Variants in TRIM15 observed in about 807,000 individuals in gnomAD.
TRIM15 encodes E3 ubiquitin-protein ligase TRIM15.
In TRIM15, 35 loss-of-function variants were observed where a neutral mutation model predicts 35.8. The ratio of observed to expected loss-of-function variants is 0.98; its 90% CI spans 0.75 to 1.30. TRIM15 has a LOEUF of 1.30. TRIM15 is among the 50% of genes most tolerant of loss of function. The probability of loss-of-function intolerance (pLI) is 0.00; values close to 1 mark genes in which losing one functional copy is unlikely to be tolerated. For missense variants in TRIM15, 590 were observed against 593.5 expected (o/e 0.99, Z 0.06); for synonymous variants, 252 against 249.8 (o/e 1.01, Z -0.08).
chr6:30,169,340 C>A, intron 4 of TRIM15, 77 bp downstream of exon 4: 1 of 1,562,868 alleles, frequency 6.4e-7, no homozygotes, highest in Non-Finnish European at 8.8e-7. Context: ...GCACTTACTG[C>A]CACCCACTTT....
intron 4 of TRIM15, chr6:30,169,526 T>A (rs1773865302): frequency 1.4e-6 from 1 of 693,678 alleles, no homozygotes; most frequent in Non-Finnish European, 2.6e-6. Context: ...TGTTTTTAGG[T>A]TGATCCAGGA....
rs1180231958 is a variant in TRIM15, at chr6:30,171,006, C to G, written c.878C>G (p.Ser293Ter). The change falls in exon 6 of 7, where the codon TCA becomes TGA. Residue 293 changes from serine (S) to a stop codon, truncating the protein, a stop_gained and splice_region_variant. Coordinates refer to ENST00000376694, the MANE Select transcript of TRIM15 (RefSeq NM_033229.3). LOFTEE classifies it low-confidence loss of function (END_TRUNC). ...TTGGCGCATCATCTGGAAATAGATT[C>G]AGGTAAACAGCTTGGGATTTGGGGA... ...ENLAHHLEID[S>*]GVITLDPQTA... 6.2e-7 allele frequency: 1 copy of G among 1,611,448 alleles called. No homozygotes were observed. The highest frequency in any genetic ancestry group is 8.5e-7 in the Non-Finnish European group (1 of 1,179,318).
chr6:30,169,258 G>C lies in TRIM15; in HGVS notation c.726G>C (p.Gln242His). 1 of 1,613,162 alleles carries C rather than the reference G, an allele frequency of 6.2e-7. No homozygotes were observed. Among genetic ancestry groups the C allele is most frequent in the Non-Finnish European group, 8.5e-7 (1 of 1,180,032 alleles). ...TTTTGCAGGATGTCAGAGTCAACCA[G>C]AGCAGGTAGGGCCCACTCCCCGGTC... ...SELLQDVRVN[Q>H]SRCEMKTFVS... The change falls in exon 4 of 7, where the codon CAG becomes CAC. Residue 242 changes from glutamine to histidine, a missense_variant. Coordinates refer to ENST00000376694, the MANE Select transcript of TRIM15 (RefSeq NM_033229.3).
In TRIM15 at chr6:30,169,244, G is replaced by C. The variant is rs754802046; in HGVS notation, c.712G>C (p.Val238Leu). 1 of 1,613,086 alleles carries C rather than the reference G, an allele frequency of 6.2e-7. No individual in the cohort carries two copies. The highest frequency in any genetic ancestry group is 1.3e-5 in the African/African-American group (1 of 74,926). ...TGTTCTTGTCTTTCTTTTGCAGGAT[G>C]TCAGAGTCAACCAGAGCAGGTAGGG... Reference protein sequence around the residue: ...QQPASELLQDVRVNQSRCEMK... With the variant: ...QQPASELLQDLRVNQSRCEMK... The change falls in exon 4 of 7, where the codon GTC (valine) becomes CTC (leucine). Residue 238 changes from valine (V) to leucine (L), a missense_variant. Transcript: ENST00000376694.
chr6:30,168,853 A>T (rs970907176), intron 3 of TRIM15, among the ~76,000 whole-genome samples: 3 of 152,224 alleles, frequency 2.0e-5, no homozygotes, highest in Admixed American at 6.5e-5. Flanking sequence ...TCCATAAAAA[A>T]TGCTTGGCAT....
intron 1 of TRIM15, 24 bp downstream of exon 1, chr6:30,164,089 G>C (rs1372023411): frequency 1.3e-6 from 2 of 1,593,864 alleles, no homozygotes; most frequent in Non-Finnish European, 1.7e-6. Context: ...CTTTACCTAG[G>C]GCCTGTTTGG....
Position 30,168,593 on chromosome 6 carries a change from C to T in TRIM15, c.708+63C>T, listed in dbSNP as rs1275269911. 4 of 1,464,066 alleles carry T rather than the reference C, an allele frequency of 2.7e-6. No individual in the cohort carries two copies. In the Admixed American group the frequency reaches 5.9e-5, roughly 22 times the overall value. The allele number at this position is 1,464,066 out of a possible 1,614,324, so 90.7% of individuals were successfully genotyped here. On this transcript the variant is annotated intron_variant, in intron 3 of 6. Transcript: ENST00000376694. ...GACTCCACGGGGAAGGGGGTGGGCACCATGCTTTGGGCTGGAGAGAGGCAG... is the reference window on the plus strand; with the variant it reads ...GACTCCACGGGGAAGGGGGTGGGCATCATGCTTTGGGCTGGAGAGAGGCAG...
Position 30,172,031 on chromosome 6 carries a change from C to A in TRIM15, c.1080C>A (p.Gly360=). 6.4e-7 allele frequency: 1 copy of A among 1,571,700 alleles called. No homozygotes were observed. Among genetic ancestry groups the A allele is most frequent in the Admixed American group, 1.8e-5 (1 of 54,162 alleles). The change falls in exon 7 of 7, where the codon GGC becomes GGA. Residue 360 remains glycine, a synonymous_variant. Transcript: ENST00000376694. ...AGGTTGACCTGCAGCTGGGCGACGG[C>A]GGCGGCTGCACGGTGGGGGTGGCCG... ...RWQVDLQLGD[G]GGCTVGVAGE...
At chr6:30,169,742 A>C (rs932519917) in intron 4 of TRIM15, 18 of 357,222 alleles carry the variant, frequency 5.0e-5, no homozygotes, top group African/African-American at 3.6e-4. Flanking sequence ...GACAGCCACC[A>C]GGAGCCAGTG....
In TRIM15 at chr6:30,171,843, C is replaced by T. The variant is rs531919285; in HGVS notation, c.892C>T (p.Leu298=). ...GCTCCTCCCTCTAGGGGTCATCACT[C>T]TGGACCCTCAGACCGCCAGCCGGAG... The part of the protein sequence containing the change: ...HLEIDSGVIT[L]DPQTASRSLV... The change falls in exon 7 of 7, where the codon CTG becomes TTG. Residue 298 remains leucine (L), a synonymous_variant. Transcript: ENST00000376694. 86 of 1,569,134 alleles carry T rather than the reference C, an allele frequency of 5.5e-5. No individual in the cohort carries two copies. The South Asian group carries it at 9.4e-4, about 17-fold the overall frequency.
intron 5 of TRIM15, 150 bp downstream of exon 5, chr6:30,170,766 C>A: frequency 1.3e-6 from 1 of 770,324 alleles, no homozygotes; most frequent in East Asian, 2.6e-5. Context: ...TATTCAGGGG[C>A]ACTATTCCCA....
rs542411839 is a variant in TRIM15 at position 30,172,419 on chromosome 6, T to A, written c.*70T>A. 13 of 1,506,572 alleles carry A rather than the reference T, an allele frequency of 8.6e-6. No individual in the cohort carries two copies. In the Admixed American group the frequency reaches 2.4e-4, roughly 28 times the overall value. 93.3% of individuals were successfully genotyped at this position (1,506,572 alleles called of 1,614,324 possible). On this transcript the variant is annotated 3_prime_UTR_variant, in exon 7 of 7. Transcript: ENST00000376694. The stretch of plus-strand genomic sequence containing the variant: ...GGGATCCAGCTCCGCCCCTGGCCAG[T>A]GTGCGGCCCGGGGGCTCCCTGTGCC...
intron 1 of TRIM15, 70 bp from the exon 2 acceptor site, chr6:30,167,106 G>A: frequency 7.2e-7 from 1 of 1,386,306 alleles, no homozygotes; most frequent in Non-Finnish European, 1.0e-6. Context: ...TGCCCAGGAT[G>A]TGATAGTTAA....
chr6:30,172,595 C>T lies in TRIM15; in HGVS notation c.*246C>T, dbSNP rs1008846702. The T allele has an allele frequency of 2.8e-6, 2 of 716,656 alleles. No homozygotes were observed. The highest frequency in any genetic ancestry group is 1.7e-5 in the African/African-American group (1 of 57,346). 44.4% of individuals were successfully genotyped at this position (716,656 alleles called of 1,614,324 possible). On this transcript the variant is annotated 3_prime_UTR_variant, in exon 7 of 7. Coordinates refer to ENST00000376694, the MANE Select transcript of TRIM15 (RefSeq NM_033229.3). ...CAGAGTGCAGAACCACAGACGGCTTCGGCTGTGCCTAGGGCAACAGCCAAC... is the reference window on the plus strand; with the variant it reads ...CAGAGTGCAGAACCACAGACGGCTTTGGCTGTGCCTAGGGCAACAGCCAAC...
At chr6:30,171,537 T>C (rs895232963) in intron 6 of TRIM15, among the ~76,000 whole-genome samples, 1 of 152,222 alleles carries the variant, frequency 6.6e-6, no homozygotes, top group Non-Finnish European at 1.5e-5. Context: ...AAACGTCTCC[T>C]AGGGATCCTG....
rs1323815261 is a variant in TRIM15, at chr6:30,172,172, G to A, written c.1221G>A (p.Pro407=). ...GCACCTCCCCGGGCACCGACCTGCC[G>A]CTGAGCGAGATCCCGCGCGGCGTGA... ...WASTSPGTDL[P]LSEIPRGVRV... is the part of the protein sequence containing the mutation. The change falls in exon 7 of 7, where the codon CCG becomes CCA. Residue 407 remains proline (P), a synonymous_variant. Coordinates refer to ENST00000376694, the MANE Select transcript of TRIM15 (RefSeq NM_033229.3). The A allele has an allele frequency of 6.9e-6, 11 of 1,602,774 alleles. No individual in the cohort carries two copies. Among genetic ancestry groups the A allele is most frequent in the Non-Finnish European group, 9.4e-6 (11 of 1,175,322 alleles).
At position 30,172,425 on chromosome 6, in the gene TRIM15, GC is replaced by G; in HGVS notation, c.*79del. 6.6e-7 allele frequency: 1 copy of G among 1,522,018 alleles called. No homozygotes were observed. The highest frequency in any genetic ancestry group is 1.3e-5 in the South Asian group (1 of 78,018). 94.3% of individuals were successfully genotyped at this position (1,522,018 alleles called of 1,614,324 possible). On this transcript the variant is annotated 3_prime_UTR_variant, in exon 7 of 7. Transcript: ENST00000376694. Reference sequence around the variant, plus strand: ...CAGCTCCGCCCCTGGCCAGTGTGCGGCCCGGGGGCTCCCTGTGCCCGCGTGA... The same window carrying G: ...CAGCTCCGCCCCTGGCCAGTGTGCGGCCGGGGGCTCCCTGTGCCCGCGTGA...
chr6:30,168,221 A>G, intron 2 of TRIM15, 79 bp from the exon 3 acceptor site: 1 of 1,252,222 alleles, frequency 8.0e-7, no homozygotes, highest in East Asian at 2.4e-5. Context: ...CTGTTAATCA[A>G]TAATAAGTAT....
intron 4 of TRIM15, 177 bp downstream of exon 4, chr6:30,169,440 G>T (rs993118181): frequency 5.3e-6 from 4 of 750,956 alleles, no homozygotes; most frequent in Non-Finnish European, 9.4e-6. Context: ...GCGTTCTAAA[G>T]GTTCATTTTT....
Sources: allele counts gnomAD v4.1 joint callset (sites outside exome capture counted in the v4.1 genomes callset), GRCh38; gene constraint gnomAD v4.1.1; transcripts MANE v1.5; gene names NCBI Gene and HGNC (gene_info 2026-07-23, HGNC 2026-07-21).